The following FBXL7 variants were observed in gnomAD, a reference collection of about 807,000 sequenced individuals.
FBXL7 encodes the protein F-box and leucine rich repeat protein 7, also known as F-box/LRR-repeat protein 7.
Under a neutral mutation model 38.3 loss-of-function variants are expected in FBXL7, and 12 were observed. The observed-to-expected ratio is 0.31, with a 90% confidence interval of 0.20 to 0.51. The LOEUF (loss-of-function observed/expected upper bound fraction) is 0.51, where lower values mean the gene tolerates loss of function less well. Ranked by LOEUF, FBXL7 falls within the 20% of genes least tolerant of loss-of-function variation. The probability of loss-of-function intolerance (pLI) is 0.98; values close to 1 mark genes in which losing one functional copy is unlikely to be tolerated. For synonymous variants in FBXL7, 297 were observed against 300.9 expected, an observed-to-expected ratio of 0.99 and a Z score of 0.13; for missense variants, 567 against 676.4, an observed-to-expected ratio of 0.84 and a Z score of 1.79.
intron 2 of FBXL7, among the ~76,000 whole-genome samples, chr5:15,880,854 TGCTCTGTAGTATGCTCATTTAAGCCTA>T (rs1740422879): frequency 2.6e-5 from 4 of 151,342 alleles, no homozygotes; most frequent in African/African-American, 7.2e-5. Flanking sequence ...AAGTGTAGTA[TGCTCTGTAGTATGCTCATTTAAGCCTA>T]GCTCTGTAGT....
intron 2 of FBXL7, among the ~76,000 whole-genome samples, chr5:15,764,238 A>G (rs1473333363): frequency 2.6e-5 from 4 of 152,262 alleles, no homozygotes; most frequent in South Asian, 2.1e-4. Flanking sequence ...TTCTGGTTCC[A>G]TAGATCAGAA....
intron 2 of FBXL7, among the ~76,000 whole-genome samples, chr5:15,669,693 C>T (rs375606806): frequency 1.6e-4 from 25 of 152,270 alleles, no homozygotes; most frequent in African/African-American, 5.8e-4. Flanking sequence ...CCATAAGTTA[C>T]TTGAACATCT....
intron 1 of FBXL7, among the ~76,000 whole-genome samples, chr5:15,614,765 T>A (rs1740388941): frequency 6.6e-6 from 1 of 152,168 alleles, no homozygotes; most frequent in Non-Finnish European, 1.5e-5. Flanking sequence ...AGGGTCCTCT[T>A]CAGTGCTCAC....
At chr5:15,873,282 T>C (rs1385642113) in intron 2 of FBXL7, among the ~76,000 whole-genome samples, 1 of 152,200 alleles carries the variant, frequency 6.6e-6, no homozygotes, top group Non-Finnish European at 1.5e-5. Flanking sequence ...GGGAAATTTA[T>C]AGCACTAAAT....
At chr5:15,750,033 G>T (rs1479917963) in intron 2 of FBXL7, among the ~76,000 whole-genome samples, 1 of 152,174 alleles carries the variant, frequency 6.6e-6, no homozygotes, top group African/African-American at 2.4e-5. Flanking sequence ...TTATGCTTCA[G>T]CCTGGCTTGA....
chr5:15,633,739 ATATTATTATTATTAT>A (rs35409501), intron 2 of FBXL7, among the ~76,000 whole-genome samples: 69 of 143,418 alleles, frequency 4.8e-4, no homozygotes, highest in East Asian at 4.7e-3. Context: ...AGGGACACAG[ATATTATTATTATTAT>A]TATTATTATT....
chr5:15,593,574 C>T (rs1739540119), intron 1 of FBXL7, among the ~76,000 whole-genome samples: 1 of 152,034 alleles, frequency 6.6e-6, no homozygotes. Context: ...GTGGAATTCT[C>T]ATTAAGTTTG....
At chr5:15,759,964 C>A (rs1349837678) in intron 2 of FBXL7, among the ~76,000 whole-genome samples, 1 of 152,102 alleles carries the variant, frequency 6.6e-6, no homozygotes. Context: ...TAACATTTTA[C>A]TAGGTGGAAT....
intron 1 of FBXL7, among the ~76,000 whole-genome samples, chr5:15,581,086 C>T (rs890147108): frequency 6.6e-6 from 1 of 152,090 alleles, no homozygotes; most frequent in African/African-American, 2.4e-5. Flanking sequence ...AAATGGGCAT[C>T]ATATTTGAAC....
chr5:15,842,035 C>T (rs549139202), intron 2 of FBXL7, among the ~76,000 whole-genome samples: 1 of 152,316 alleles, frequency 6.6e-6, no homozygotes, highest in East Asian at 1.9e-4. Flanking sequence ...CTTAGTGGAG[C>T]TGTGATAAGA....
chr5:15,826,204 C>T (rs1392770549), intron 2 of FBXL7, among the ~76,000 whole-genome samples: 1 of 152,180 alleles, frequency 6.6e-6, no homozygotes, highest in Non-Finnish European at 1.5e-5. Context: ...TCTTTATTTT[C>T]ACTCCTTACC....
At chr5:15,528,642 C>T (rs1009407475) in intron 1 of FBXL7, among the ~76,000 whole-genome samples, 3 of 152,174 alleles carry the variant, frequency 2.0e-5, no homozygotes, top group African/African-American at 7.2e-5. Context: ...GGGGAAACTG[C>T]TCCCATTATT....
chr5:15,640,923 C>T (rs902157122), intron 2 of FBXL7, among the ~76,000 whole-genome samples: 34 of 152,304 alleles, frequency 2.2e-4, no homozygotes, highest in South Asian at 2.1e-4. Flanking sequence ...GCCTTCCTCA[C>T]CTGCATCACC....
chr5:15,871,001 G>A (rs200867202), intron 2 of FBXL7, among the ~76,000 whole-genome samples: 4 of 152,308 alleles, frequency 2.6e-5, no homozygotes, highest in East Asian at 3.9e-4. Context: ...CCTGACCCAC[G>A]TGCCTCCTGA....
intron 2 of FBXL7, among the ~76,000 whole-genome samples, chr5:15,851,971 G>T (rs1326840560): frequency 6.6e-6 from 1 of 151,896 alleles, no homozygotes; most frequent in Non-Finnish European, 1.5e-5. Flanking sequence ...TATAATAAAG[G>T]TATATCTAGA....
intron 2 of FBXL7, among the ~76,000 whole-genome samples, chr5:15,891,100 A>G (rs1740885881): frequency 6.6e-6 from 1 of 152,194 alleles, no homozygotes; most frequent in South Asian, 2.1e-4. Flanking sequence ...TTAGATACTC[A>G]GGGTGAGAAA....
At chr5:15,709,539 A>C (rs1295435117) in intron 2 of FBXL7, among the ~76,000 whole-genome samples, 1 of 150,704 alleles carries the variant, frequency 6.6e-6, no homozygotes, top group Non-Finnish European at 1.5e-5. Context: ...GTCTCAAAAA[A>C]AGAAAAAAAA....
chr5:15,572,868 A>T (rs886665296), intron 1 of FBXL7, among the ~76,000 whole-genome samples: 11 of 151,948 alleles, frequency 7.2e-5, no homozygotes, highest in African/African-American at 2.7e-4. Flanking sequence ...TATATACCTC[A>T]CCCTTTGTGA....
At chr5:15,705,133 C>A (rs1743640948) in intron 2 of FBXL7, among the ~76,000 whole-genome samples, 1 of 152,134 alleles carries the variant, frequency 6.6e-6, no homozygotes, top group Non-Finnish European at 1.5e-5. Flanking sequence ...TTTTTATAAA[C>A]ACAAAACTTC....
Sources: gnomAD v4.1 joint callset for allele counts (sites outside exome capture counted in the v4.1 genomes callset) on GRCh38, gnomAD v4.1.1 for gene constraint, MANE v1.5 for transcripts, NCBI Gene and HGNC (gene_info 2026-07-23, HGNC 2026-07-21) for gene names.